CMSS1: variants seen among roughly 807,000 people sequenced by gnomAD.
CMSS1 encodes the protein cms1 ribosomal small subunit homolog, also known as protein CMSS1.
In CMSS1, 33 loss-of-function variants were observed where a neutral mutation model predicts 43.5. The observed-to-expected ratio is 0.76, with a 90% confidence interval of 0.57 to 1.01. CMSS1 has a LOEUF of 1.01. Ranked by LOEUF, CMSS1 falls within the 50% of genes least tolerant of loss-of-function variation. CMSS1 has a pLI of 0.00. For synonymous variants in CMSS1, 115 were observed against 117.2 expected (o/e 0.98, Z 0.12); for missense variants, 313 against 326.4 (o/e 0.96, Z 0.32).
At chr3:99,916,037 T>C (rs1355526134) in intron 1 of CMSS1, among the ~76,000 whole-genome samples, 1 of 152,200 alleles carries the variant, frequency 6.6e-6, no homozygotes, top group Non-Finnish European at 1.5e-5. Flanking sequence ...ATGTGTCAAC[T>C]TGACTGGGCC....
rs1303046723 is a variant in CMSS1, at chr3:99,982,728, T to G, written c.65-164245T>G. Reference sequence around the variant, plus strand: ...ACCAGACCACCATTCATTTGCATGATTCTGTTAATGCCATATATAGTATTT... The same window carrying G: ...ACCAGACCACCATTCATTTGCATGAGTCTGTTAATGCCATATATAGTATTT... On this transcript the variant is annotated intron_variant, in intron 1 of 9. Transcript: ENST00000421999. Among the ~76,000 whole-genome samples, 4 of 152,306 alleles carry G rather than the reference T, an allele frequency of 2.6e-5. No homozygotes were observed. The East Asian group carries it at 7.7e-4, about 29-fold the overall frequency.
intron 1 of CMSS1, among the ~76,000 whole-genome samples, chr3:100,120,275 G>A (rs1417233052): frequency 6.6e-6 from 1 of 152,170 alleles, no homozygotes; most frequent in African/African-American, 2.4e-5. Flanking sequence ...CAGTAGCCTT[G>A]TTGACATATG....
chr3:100,119,134 C>T (rs1260121324), intron 1 of CMSS1, among the ~76,000 whole-genome samples: 5 of 152,164 alleles, frequency 3.3e-5, no homozygotes, highest in Non-Finnish European at 4.4e-5. Flanking sequence ...AAGCCTAATA[C>T]TGTGCTTTTT....
At chr3:99,829,510 G>T (rs767030505) in intron 1 of CMSS1, among the ~76,000 whole-genome samples, 2 of 152,168 alleles carry the variant, frequency 1.3e-5, no homozygotes, top group Non-Finnish European at 2.9e-5. Context: ...GGGACCTGAG[G>T]AATTATTTCA....
In CMSS1 at chr3:99,873,152, A is replaced by G. The variant is rs142159512; in HGVS notation, c.64+55109A>G. Among the ~76,000 whole-genome samples the G allele has an allele frequency of 4.5e-3, 686 of 152,328 alleles. 7 individuals are homozygous for G. The highest frequency in any genetic ancestry group is 0.016 in the African/African-American group (672 of 41,564). On this transcript the variant is annotated intron_variant, in intron 1 of 9. Coordinates refer to ENST00000421999, the MANE Select transcript of CMSS1 (RefSeq NM_032359.4). ...GGTGATGACAGCAGCAACCACAGAA[A>G]TATTGCTTTGAAGGTTTGTGATGCT...
chr3:100,175,704 C>G (rs2067142808), intron 8 of CMSS1, among the ~76,000 whole-genome samples: 1 of 152,160 alleles, frequency 6.6e-6, no homozygotes, highest in Non-Finnish European at 1.5e-5. Flanking sequence ...AGAACTGACT[C>G]TATGCCCAAC....
chr3:100,171,748 C>A, intron 6 of CMSS1, 91 bp from the exon 7 acceptor site: 1 of 1,025,202 alleles, frequency 9.8e-7, no homozygotes, highest in Non-Finnish European at 1.5e-6. Flanking sequence ...TGCACACATC[C>A]TTTGAATAAA....
intron 1 of CMSS1, among the ~76,000 whole-genome samples, chr3:99,982,089 T>C (rs1709141269): frequency 6.6e-6 from 1 of 152,206 alleles, no homozygotes. Flanking sequence ...TTTGTGACGG[T>C]TGTTAGTCTT....
intron 1 of CMSS1, among the ~76,000 whole-genome samples, chr3:99,877,287 T>C (rs1705567848): frequency 6.6e-6 from 1 of 152,230 alleles, no homozygotes; most frequent in African/African-American, 2.4e-5. Flanking sequence ...ATGATGTACA[T>C]ATGTCTGTAG....
intron 1 of CMSS1, among the ~76,000 whole-genome samples, chr3:100,073,764 A>C (rs1287215046): frequency 1.3e-5 from 2 of 152,192 alleles, no homozygotes; most frequent in East Asian, 3.8e-4. Context: ...GTGCCGGGCA[A>C]GATCTCCTGT....
In CMSS1 at chr3:99,867,302, A is replaced by G. The variant is rs182348477; in HGVS notation, c.64+49259A>G. 1.2e-4 allele frequency among the ~76,000 whole-genome samples: 19 copies of G among 152,250 alleles called. No homozygotes were observed. The East Asian group carries it at 3.7e-3, about 29-fold the overall frequency. ...GTTTGTGGCAGTTAAAGAAATGGCTATAGTATACCTCATGTATGTGCTATT... is the reference window on the plus strand; with the variant it reads ...GTTTGTGGCAGTTAAAGAAATGGCTGTAGTATACCTCATGTATGTGCTATT... On this transcript the variant is annotated intron_variant, in intron 1 of 9. Coordinates refer to ENST00000421999, the MANE Select transcript of CMSS1 (RefSeq NM_032359.4).
At chr3:99,939,315 G>A (rs1006850355) in intron 1 of CMSS1, among the ~76,000 whole-genome samples, 23 of 152,166 alleles carry the variant, frequency 1.5e-4, no homozygotes, top group African/African-American at 5.6e-4. Context: ...ACTTTAGTTC[G>A]TGTATCCTGG....
chr3:100,036,989 C>T (rs893395119), intron 1 of CMSS1, among the ~76,000 whole-genome samples: 2 of 152,070 alleles, frequency 1.3e-5, no homozygotes, highest in Non-Finnish European at 2.9e-5. Flanking sequence ...TATCCTGAAA[C>T]ACATAAATAA....
chr3:99,823,769 T>C (rs759238289), intron 1 of CMSS1, among the ~76,000 whole-genome samples: 23 of 152,136 alleles, frequency 1.5e-4, no homozygotes, highest in Non-Finnish European at 3.1e-4. Flanking sequence ...CCAGGTCTTC[T>C]ACTATTTACT....
chr3:99,879,629 C>A (rs1299283429), intron 1 of CMSS1, among the ~76,000 whole-genome samples: 1 of 152,108 alleles, frequency 6.6e-6, no homozygotes, highest in Admixed American at 6.5e-5. Context: ...TGCAGCTACC[C>A]AAAATTTTCA....
chr3:99,989,305 A>G (rs1307501966), intron 1 of CMSS1, among the ~76,000 whole-genome samples: 6 of 152,206 alleles, frequency 3.9e-5, no homozygotes, highest in Admixed American at 2.0e-4. Context: ...TCTTGACTGC[A>G]TGTCTAGGAT....
Position 100,181,578 on chromosome 3 carries a change from TCAGAC to T in CMSS1, c.*3194_*3198del, listed in dbSNP as rs1310895872. Reference sequence around the variant, plus strand: ...TAGTTGTTGTATCTTTTTGGTTTCTTCAGACCAGTGACAGTTCCTCAGTATTTCCC... The same window carrying T: ...TAGTTGTTGTATCTTTTTGGTTTCTTCAGTGACAGTTCCTCAGTATTTCCC... On this transcript the variant is annotated 3_prime_UTR_variant, in exon 10 of 10. Coordinates refer to ENST00000421999, the MANE Select transcript of CMSS1 (RefSeq NM_032359.4). 1 of 152,260 alleles carries T rather than the reference TCAGAC, an allele frequency of 6.6e-6. No homozygotes were observed. Among genetic ancestry groups the T allele is most frequent in the Non-Finnish European group, 1.5e-5 (1 of 68,050 alleles). 9.4% of individuals were successfully genotyped at this position (152,260 alleles called of 1,614,324 possible).
At chr3:99,854,684 T>TA (rs1559661007) in intron 1 of CMSS1, among the ~76,000 whole-genome samples, 1 of 151,844 alleles carries the variant, frequency 6.6e-6, no homozygotes, top group Non-Finnish European at 1.5e-5. Flanking sequence ...AAATGTCTCC[T>TA]GGGGGGCAGT....
intron 6 of CMSS1, among the ~76,000 whole-genome samples, chr3:100,169,537 A>G (rs1040376010): frequency 5.9e-5 from 9 of 152,382 alleles, no homozygotes; most frequent in African/African-American, 2.2e-4. Context: ...TAATCTAATC[A>G]TGAATTTAGA....
Sources: allele counts gnomAD v4.1 joint callset (sites outside exome capture counted in the v4.1 genomes callset), GRCh38; gene constraint gnomAD v4.1.1; transcripts MANE v1.5; gene names NCBI Gene and HGNC (gene_info 2026-07-23, HGNC 2026-07-21).